DIP2A: variants seen among roughly 807,000 people sequenced by gnomAD.
The protein encoded by DIP2A is DIP2 acetate--CoA ligase A, also known as disco-interacting protein 2 homolog A.
In DIP2A, 85 loss-of-function variants were observed where a neutral mutation model predicts 177.4. The observed-to-expected ratio is 0.48, with a 90% CI of 0.40 to 0.57. DIP2A has a LOEUF of 0.57. Among genes scored for constraint, DIP2A ranks in the 20% least tolerant of loss-of-function variants. The pLI, the probability that DIP2A is intolerant of heterozygous loss-of-function variation, is 0.00. For missense variants in DIP2A, 1,791 were observed against 2,100.2 expected, an observed-to-expected ratio of 0.85 and a Z score of 2.88; for synonymous variants, 886 against 881.8, an observed-to-expected ratio of 1.00 and a Z score of -0.08.
intron 37 of DIP2A, 128 bp downstream of exon 37, chr21:46,566,811 C>A: frequency 2.4e-6 from 3 of 1,265,094 alleles, no homozygotes; most frequent in Non-Finnish European, 3.3e-6. Context: ...TGCATTGTCA[C>A]CCTGGTCTGC....
At chr21:46,487,890 AG>A (rs2148457213) in intron 2 of DIP2A, among the ~76,000 whole-genome samples, 1 of 152,370 alleles carries the variant, frequency 6.6e-6, no homozygotes, top group East Asian at 1.9e-4. Flanking sequence ...ATCTCAAGTT[AG>A]TGTGTGAACA....
chr21:46,582,964 CAAACAA>C, the DIP2A span, among the ~76,000 whole-genome samples: 2 of 151,864 alleles, frequency 1.3e-5, no homozygotes, highest in Non-Finnish European at 2.9e-5. Flanking sequence ...AACAAGCAAA[CAAACAA>C]AAACAAAAAA....
At position 46,546,910 on chromosome 21, in the gene DIP2A, C is replaced by T. The variant is rs2060072714; in HGVS notation, c.2395-5C>T. On this transcript the variant is annotated splice_polypyrimidine_tract_variant and splice_region_variant and intron_variant, in intron 20 of 37. Transcript: ENST00000417564. ...TGGAGTCTTGACGCACACCCTTTCC[C>T]TCAGGACAACCTGGTCTTCATCGTG... 6.2e-7 allele frequency: 1 copy of T among 1,613,678 alleles called. No individual in the cohort carries two copies.
chr21:46,514,617 C>CTTTTTTTTTTTTTTTTTT lies in DIP2A; in HGVS notation c.1102+3009_1102+3026dup. ...CCTTTCCAATACTTAAACTTTTATT[C>CTTTTTTTTTTTTTTTTTT]TTTTTTTTTTTTTTTTTTTTTTTGG... On this transcript the variant is annotated intron_variant, in intron 8 of 37. Transcript: ENST00000417564. Among the ~76,000 whole-genome samples, 119 of 70,494 alleles carry CTTTTTTTTTTTTTTTTTT rather than the reference C, an allele frequency of 1.7e-3. 1 individual carries two copies. Among genetic ancestry groups the CTTTTTTTTTTTTTTTTTT allele is most frequent in the East Asian group, 2.6e-3 (5 of 1,954 alleles). 46.2% of individuals were successfully genotyped at this position (70,494 alleles called of 152,430 possible).
intron 9 of DIP2A, 76 bp from the exon 10 acceptor site, chr21:46,532,051 T>C: frequency 7.2e-7 from 1 of 1,392,286 alleles, no homozygotes; most frequent in Non-Finnish European, 9.8e-7. Context: ...AAATTTTATT[T>C]ATAACTAGCT....
rs71187318 is a variant in DIP2A at position 46,466,342 on chromosome 21, CTTTTT to C, written c.91+7140_91+7144del. 7.5e-3 allele frequency among the ~76,000 whole-genome samples: 672 copies of C among 89,606 alleles called. 1 individual carries two copies. The highest frequency in any genetic ancestry group is 0.011 in the Non-Finnish European group (546 of 47,700). The allele number at this position is 89,606 out of a possible 152,430, so 58.8% of individuals were successfully genotyped here. A position where few individuals can be genotyped will look rare whatever the true frequency, so the allele number is the denominator to read the frequency against. The stretch of plus-strand genomic sequence containing the variant: ...AAGAGTTATAGATTCTACATTATAA[CTTTTT>C]TTTTTTTTTTTTTTTTTTTGAGATG... On this transcript the variant is annotated intron_variant, in intron 1 of 37. Coordinates refer to ENST00000417564, the MANE Select transcript of DIP2A (RefSeq NM_015151.4).
chr21:46,490,959 A>G (rs1250403209), intron 3 of DIP2A, among the ~76,000 whole-genome samples: 1 of 152,226 alleles, frequency 6.6e-6, no homozygotes, highest in African/African-American at 2.4e-5. Flanking sequence ...GATGCCTACA[A>G]AACTCTCTAG....
chr21:46,508,434 C>A (rs973269878), intron 6 of DIP2A, among the ~76,000 whole-genome samples: 5 of 148,260 alleles, frequency 3.4e-5, no homozygotes, highest in African/African-American at 1.2e-4. Context: ...TCTCGGCTCA[C>A]TGCAAGCTCC....
intron 32 of DIP2A, chr21:46,558,824 A>C: frequency 3.9e-6 from 1 of 258,764 alleles, no homozygotes; most frequent in Non-Finnish European, 7.6e-6. Context: ...TCAGGCCAGG[A>C]GTGGTGGCTC....
rs575485483 is a variant in DIP2A at position 46,558,342 on chromosome 21, C to T, written c.3918C>T (p.Arg1306=). The T allele has an allele frequency of 1.8e-5, 29 of 1,607,442 alleles. No homozygotes were observed. The East Asian group carries it at 3.8e-4, about 21-fold the overall frequency. The change falls in exon 32 of 38, where the codon CGC becomes CGT. Residue 1306 remains arginine (R), a synonymous_variant. Coordinates refer to ENST00000417564, the MANE Select transcript of DIP2A (RefSeq NM_015151.4). Reference sequence around the variant, plus strand: ...TCAAGGACCTGGGCCTGCCGGCCCGCGCCGTAAGCACCACGTTCGGGTGCA... The same window carrying T: ...TCAAGGACCTGGGCCTGCCGGCCCGTGCCGTAAGCACCACGTTCGGGTGCA... ...KLFKDLGLPA[R]AVSTTFGCRV...
intron 1 of DIP2A, chr21:46,462,572 T>C (rs981742918): frequency 5.3e-5 from 8 of 152,242 alleles, no homozygotes; most frequent in Non-Finnish European, 7.3e-5. Context: ...TAATGAGTTA[T>C]AGTCCTAAAA....
At chr21:46,480,453 C>CA (rs1436361950) in intron 1 of DIP2A, among the ~76,000 whole-genome samples, 2 of 152,196 alleles carry the variant, frequency 1.3e-5, no homozygotes, top group Non-Finnish European at 2.9e-5. Context: ...GGGGAGGACA[C>CA]AGAGCCAGAC....
chr21:46,567,917 C>T lies in DIP2A; in HGVS notation c.*295C>T, dbSNP rs1346425245. On this transcript the variant is annotated 3_prime_UTR_variant, in exon 38 of 38. Coordinates refer to ENST00000417564, the MANE Select transcript of DIP2A (RefSeq NM_015151.4). The stretch of plus-strand genomic sequence containing the variant: ...GGGCATTGTGAGGAATCACAGGCAC[C>T]GAGGTTGTTCTCTGCTGTACTGCAA... 1.5e-5 allele frequency: 5 copies of T among 329,102 alleles called. No individual in the cohort carries two copies. The highest frequency in any genetic ancestry group is 5.1e-5 in the East Asian group (1 of 19,720). 20.4% of individuals were successfully genotyped at this position (329,102 alleles called of 1,614,324 possible). A position where few individuals can be genotyped will look rare whatever the true frequency, so the allele number is the denominator to read the frequency against.
Position 46,557,480 on chromosome 21 carries a change from T to C in DIP2A, c.3630-105T>C. ...CCACTTGGCGTCAGAACAGAAATCA[T>C]GCCCCTGTTGTGGCTGGAAAAGAAG... On this transcript the variant is annotated intron_variant, in intron 30 of 37. Transcript: ENST00000417564. The surrounding 1 kb of genome is among the most constrained non-coding windows in gnomAD (Gnocchi z 6.0). 4 of 1,345,372 alleles carry C rather than the reference T, an allele frequency of 3.0e-6. No homozygotes were observed. The highest frequency in any genetic ancestry group is 4.0e-6 in the Non-Finnish European group (4 of 999,642). The allele number at this position is 1,345,372 out of a possible 1,614,324, so 83.3% of individuals were successfully genotyped here. A position where few individuals can be genotyped will look rare whatever the true frequency, so the allele number is the denominator to read the frequency against.
At chr21:46,536,947 T>C (rs1418809536) in intron 13 of DIP2A, among the ~76,000 whole-genome samples, 1 of 151,946 alleles carries the variant, frequency 6.6e-6, no homozygotes, top group African/African-American at 2.4e-5. Flanking sequence ...GGTGACACCT[T>C]GTATAGCTTC....
At chr21:46,565,405 T>G (rs1447280681) in intron 35 of DIP2A, among the ~76,000 whole-genome samples, 1 of 152,198 alleles carries the variant, frequency 6.6e-6, no homozygotes, top group Non-Finnish European at 1.5e-5. Context: ...CCCTCTCTTA[T>G]TACCAACAAT....
At chr21:46,551,125 G>A (rs1163621810) in intron 23 of DIP2A, among the ~76,000 whole-genome samples, 2 of 152,188 alleles carry the variant, frequency 1.3e-5, no homozygotes, top group Admixed American at 1.3e-4. Flanking sequence ...TGTCTGTGTG[G>A]CCTCGGAAAT....
At chr21:46,570,602 G>A (rs2060952016), downstream of DIP2A, among the ~76,000 whole-genome samples, 1 of 152,086 alleles carries the variant, frequency 6.6e-6, no homozygotes, top group Non-Finnish European at 1.5e-5. Context: ...TTATATTTAT[G>A]CAAACTGGTT....
Position 46,496,969 on chromosome 21 carries a change from T to G in DIP2A, c.284-19T>G. 1 of 1,592,680 alleles carries G rather than the reference T, an allele frequency of 6.3e-7. No individual in the cohort carries two copies. ...ACAGTCTTGTAAAAAGTATTTTTAC[T>G]GCTGTCCTTCCTGTGTAGATGTCCA... On this transcript the variant is annotated intron_variant, in intron 3 of 37. Coordinates refer to ENST00000417564, the MANE Select transcript of DIP2A (RefSeq NM_015151.4).
Sources: gnomAD v4.1 joint callset for allele counts (sites outside exome capture counted in the v4.1 genomes callset) on GRCh38, gnomAD v4.1.1 for gene constraint, Gnocchi (gnomAD v3.1) non-coding constraint, MANE v1.5 for transcripts, NCBI Gene and HGNC (gene_info 2026-07-23, HGNC 2026-07-21) for gene names.